The following CPED1 variants were observed in gnomAD, a reference collection of about 807,000 sequenced individuals.
The protein encoded by CPED1 is cadherin like and PC-esterase domain containing 1, also known as cadherin-like and PC-esterase domain-containing protein 1.
Under a neutral mutation model 128.2 loss-of-function variants are expected in CPED1, and 114 were observed. That is an observed-to-expected ratio of 0.89 (90% CI 0.76 to 1.04). The LOEUF (loss-of-function observed/expected upper bound fraction) is 1.04. CPED1 is among the 50% of genes least tolerant of loss of function. CPED1 has a pLI of 0.00. For missense variants in CPED1, 1,211 were observed against 1,207.1 expected (o/e 1.00, Z -0.05); for synonymous variants, 462 against 426.7 (o/e 1.08, Z -1.02).
chr7:121,059,303 T>A (rs1040359372), intron 4 of CPED1, among the ~76,000 whole-genome samples: 1 of 152,200 alleles, frequency 6.6e-6, no homozygotes, highest in Non-Finnish European at 1.5e-5. Context: ...GTGAATTTGA[T>A]GGAATGATAA....
chr7:121,197,354 T>A (rs1450541036), intron 16 of CPED1, among the ~76,000 whole-genome samples: 1 of 152,132 alleles, frequency 6.6e-6, no homozygotes, highest in Non-Finnish European at 1.5e-5. Flanking sequence ...ACAGTACCAC[T>A]AATACCTTTA....
intron 16 of CPED1, among the ~76,000 whole-genome samples, chr7:121,232,330 G>T (rs1279393729): frequency 6.6e-6 from 1 of 152,086 alleles, no homozygotes; most frequent in Admixed American, 6.6e-5. Flanking sequence ...CCATGGATGG[G>T]AGTAGCAGAT....
intron 14 of CPED1, 44 bp downstream of exon 14, chr7:121,136,134 G>T: frequency 1.3e-6 from 2 of 1,516,968 alleles, no homozygotes; most frequent in South Asian, 2.7e-5. Flanking sequence ...TAAACAATTA[G>T]GGAACAGCCT....
chr7:121,108,927 G>A (rs1360295245), intron 7 of CPED1, among the ~76,000 whole-genome samples: 2 of 152,022 alleles, frequency 1.3e-5, no homozygotes, highest in South Asian at 2.1e-4. Flanking sequence ...AAAAGATTTT[G>A]CAACACATAG....
chr7:121,025,269 T>C (rs1792547425), intron 3 of CPED1, among the ~76,000 whole-genome samples: 1 of 152,074 alleles, frequency 6.6e-6, no homozygotes, highest in Non-Finnish European at 1.5e-5. Flanking sequence ...TAGCAATCTC[T>C]CCCCAATTAA....
chr7:121,246,515 C>A (rs2116694538), intron 18 of CPED1, among the ~76,000 whole-genome samples: 1 of 152,250 alleles, frequency 6.6e-6, no homozygotes, highest in South Asian at 2.1e-4. Flanking sequence ...CATCACACAG[C>A]AAAGAGAGAG....
At chr7:121,220,844 A>G (rs1299478295) in intron 16 of CPED1, among the ~76,000 whole-genome samples, 2 of 152,032 alleles carry the variant, frequency 1.3e-5, no homozygotes, top group Non-Finnish European at 2.9e-5. Context: ...CGTGTTCACA[A>G]TCAAGTATAT....
At chr7:121,286,527 C>A (rs1792578690) in intron 22 of CPED1, among the ~76,000 whole-genome samples, 1 of 152,200 alleles carries the variant, frequency 6.6e-6, no homozygotes. Flanking sequence ...TACTTTTCCA[C>A]TGGCATTCTT....
chr7:121,166,340 C>T (rs1235862455), intron 16 of CPED1, among the ~76,000 whole-genome samples: 3 of 152,052 alleles, frequency 2.0e-5, no homozygotes, highest in African/African-American at 7.2e-5. Flanking sequence ...CAACCTATTT[C>T]CCTGGATTGT....
chr7:121,219,819 A>G (rs1475698536), intron 16 of CPED1, among the ~76,000 whole-genome samples: 2 of 152,082 alleles, frequency 1.3e-5, no homozygotes, highest in Non-Finnish European at 2.9e-5. Context: ...ACGTACTTGT[A>G]ATTTCTCACT....
At chr7:121,212,466 A>G (rs1351248363) in intron 16 of CPED1, among the ~76,000 whole-genome samples, 5 of 152,024 alleles carry the variant, frequency 3.3e-5, no homozygotes, top group Admixed American at 3.3e-4. Context: ...TCAGCCTCCT[A>G]TCCTCCTGGT....
chr7:121,191,223 AC>A (rs1172291975), intron 16 of CPED1, among the ~76,000 whole-genome samples: 1 of 152,182 alleles, frequency 6.6e-6, no homozygotes, highest in African/African-American at 2.4e-5. Flanking sequence ...TTCGAAAAAC[AC>A]CGAGCATAGA....
At chr7:121,063,593 G>A (rs1793743076) in intron 4 of CPED1, among the ~76,000 whole-genome samples, 1 of 152,082 alleles carries the variant, frequency 6.6e-6, no homozygotes, top group Non-Finnish European at 1.5e-5. Flanking sequence ...TGATTTTCAA[G>A]CTAATTTATA....
At chr7:120,993,905 A>G in intron 2 of CPED1, 1 of 271,628 alleles carries the variant, frequency 3.7e-6, no homozygotes, top group South Asian at 2.9e-5. Context: ...TTGCAGGTTG[A>G]GTTTTTTGGC....
chr7:121,234,967 C>T (rs1371604112), intron 16 of CPED1, among the ~76,000 whole-genome samples: 1 of 152,096 alleles, frequency 6.6e-6, no homozygotes, highest in Non-Finnish European at 1.5e-5. Flanking sequence ...CCAGAAGGCT[C>T]CAGGGTTGCA....
intron 4 of CPED1, chr7:121,050,391 G>A (rs564326686): frequency 2.6e-5 from 4 of 152,942 alleles, no homozygotes; most frequent in African/African-American, 7.3e-5. Flanking sequence ...TGCACATCAG[G>A]CTTCACCAGC....
intron 16 of CPED1, among the ~76,000 whole-genome samples, chr7:121,147,879 C>T (rs1796062762): frequency 6.6e-6 from 1 of 152,062 alleles, no homozygotes; most frequent in South Asian, 2.1e-4. Context: ...ATCAATTAGC[C>T]ATCTAGATTC....
At chr7:120,994,657 G>GT (rs1554418493) in intron 2 of CPED1, among the ~76,000 whole-genome samples, 102 of 149,292 alleles carry the variant, frequency 6.8e-4, no homozygotes, top group East Asian at 1.4e-3. Flanking sequence ...GTGTGTGTGT[G>GT]TGTTGTTGTT....
At chr7:121,094,361 G>A (rs1402977455) in intron 5 of CPED1, among the ~76,000 whole-genome samples, 2 of 152,096 alleles carry the variant, frequency 1.3e-5, no homozygotes, top group African/African-American at 4.8e-5. Flanking sequence ...TATGAATTTG[G>A]CATCTAATCT....
Sources: allele counts gnomAD v4.1 joint callset (sites outside exome capture counted in the v4.1 genomes callset), GRCh38; gene constraint gnomAD v4.1.1; transcripts MANE v1.5; gene names NCBI Gene and HGNC (gene_info 2026-07-23, HGNC 2026-07-21).